CCDC141: variants seen among roughly 807,000 people sequenced by gnomAD.
CCDC141 encodes coiled-coil domain-containing protein 141.
In CCDC141, 168 loss-of-function variants were observed where a neutral mutation model predicts 181.0. The observed-to-expected ratio is 0.93, with a 90% CI of 0.82 to 1.05. CCDC141 has a LOEUF of 1.05. CCDC141 is among the 50% of genes least tolerant of loss of function. The pLI is 0.00. For missense variants in CCDC141, 1,902 were observed against 1,788.5 expected (o/e 1.06, Z -1.14); for synonymous variants, 666 against 642.3 (o/e 1.04, Z -0.56).
chr2:178,939,735 G>T (rs1015199154), intron 6 of CCDC141, among the ~76,000 whole-genome samples: 1 of 151,880 alleles, frequency 6.6e-6, no homozygotes, highest in South Asian at 2.1e-4. Context: ...TCGTCCAAGG[G>T]GTATACTCTT....
chr2:178,834,248 G>A lies in CCDC141; in HGVS notation c.4518C>T (p.Ile1506=). The change falls in exon 24 of 24, where the codon ATC becomes ATT. Residue 1506 remains isoleucine (I), a synonymous_variant. Coordinates refer to ENST00000443758, the MANE Select transcript of CCDC141 (RefSeq NM_173648.4). ...LHVTGNCRLP[I]TRVNWITLCV... The stretch of plus-strand genomic sequence containing the variant: ...ACAGGGTTATCCAGTTTACTCTTGT[G>A]ATTGGCAGCCTGCAGTTACCTGTCA... 2 of 1,536,242 alleles carry A rather than the reference G, an allele frequency of 1.3e-6. No individual in the cohort carries two copies. Among genetic ancestry groups the A allele is most frequent in the South Asian group, 1.2e-5 (1 of 84,060 alleles).
intron 2 of CCDC141, among the ~76,000 whole-genome samples, chr2:179,027,646 C>A (rs1367975543): frequency 1.9e-5 from 1 of 53,274 alleles, no homozygotes; most frequent in African/African-American, 6.9e-5. Flanking sequence ...CTCTTACTCT[C>A]AAAAAAAAAA....
chr2:178,864,149 C>T (rs760835994), intron 17 of CCDC141, among the ~76,000 whole-genome samples: 54 of 151,964 alleles, frequency 3.6e-4, no homozygotes, highest in Non-Finnish European at 6.5e-4. Flanking sequence ...GCCCAACCAT[C>T]ACTGCAAAGA....
intron 3 of CCDC141, among the ~76,000 whole-genome samples, chr2:178,977,435 T>C (rs1402282702): frequency 6.6e-6 from 1 of 152,196 alleles, no homozygotes; most frequent in Non-Finnish European, 1.5e-5. Context: ...TCTGTAGGTG[T>C]ATTTCAGCTG....
At chr2:178,858,053 C>A (rs960725539) in intron 17 of CCDC141, among the ~76,000 whole-genome samples, 6 of 152,088 alleles carry the variant, frequency 3.9e-5, no homozygotes, top group Non-Finnish European at 7.4e-5. Flanking sequence ...TATACTTAAT[C>A]AGTGTTGTTT....
At chr2:178,875,783 T>C (rs1686332924) in intron 12 of CCDC141, 1 of 152,122 alleles carries the variant, frequency 6.6e-6, no homozygotes, top group South Asian at 2.1e-4. Context: ...ATGAAGTTAG[T>C]AATAAAAAGG....
chr2:178,856,127 A>G (rs1272003245), intron 18 of CCDC141, 130 bp downstream of exon 18: 16 of 701,796 alleles, frequency 2.3e-5, no homozygotes, highest in Non-Finnish European at 3.6e-5. Flanking sequence ...ATAGAAAAAT[A>G]CCCTTTGAGT....
intron 2 of CCDC141, 28 bp downstream of exon 2, chr2:179,047,256 G>T: frequency 6.7e-7 from 1 of 1,497,802 alleles, no homozygotes; most frequent in Non-Finnish European, 8.9e-7. Context: ...CTTTAATTTT[G>T]TTTCTGCTTC....
In CCDC141 at chr2:179,047,338, T is replaced by C; in HGVS notation, c.171A>G (p.Gln57=). 1 of 1,543,854 alleles carries C rather than the reference T, an allele frequency of 6.5e-7. No homozygotes were observed. Among genetic ancestry groups the C allele is most frequent in the Non-Finnish European group, 8.7e-7 (1 of 1,145,060 alleles). The part of the protein sequence containing the change: ...QPNLLEIGSS[Q]DETKKLLHDH... The stretch of plus-strand genomic sequence containing the variant: ...CATGAAGAAGTTTTTTGGTTTCATC[T>C]TGACTGCTGCCAATTTCTAGAAGAT... The change falls in exon 2 of 24, where the codon CAA becomes CAG. Residue 57 remains glutamine, a synonymous_variant. Transcript: ENST00000443758.
chr2:178,975,211 A>G (rs951574010), intron 3 of CCDC141, 46 bp from the exon 4 acceptor site: 8 of 1,030,294 alleles, frequency 7.8e-6, no homozygotes, highest in Admixed American at 2.6e-5. Context: ...TTGTATAAAA[A>G]TTAACGTGCC....
chr2:178,968,876 G>C (rs1224037515), intron 4 of CCDC141, among the ~76,000 whole-genome samples: 1 of 151,368 alleles, frequency 6.6e-6, no homozygotes, highest in East Asian at 1.9e-4. Flanking sequence ...AATGAAATAG[G>C]CACAATAAAA....
chr2:178,903,462 T>C (rs957672572), intron 8 of CCDC141, among the ~76,000 whole-genome samples: 2 of 152,058 alleles, frequency 1.3e-5, no homozygotes, highest in Admixed American at 6.5e-5. Context: ...TGTAGGGACA[T>C]GGATGAAATT....
chr2:179,044,296 G>A (rs1206444340), intron 2 of CCDC141, among the ~76,000 whole-genome samples: 1 of 152,140 alleles, frequency 6.6e-6, no homozygotes, highest in East Asian at 1.9e-4. Flanking sequence ...CACAGTATTA[G>A]AAAAAACTAT....
chr2:178,817,639 C>G, the CCDC141 span: 551 of 465,222 alleles, frequency 1.2e-3, 4 homozygotes, highest in African/African-American at 7.5e-3. Context: ...TGGAGGTTGA[C>G]AGGTCTAACA....
chr2:179,032,114 T>C (rs984618227), intron 2 of CCDC141, among the ~76,000 whole-genome samples: 1 of 152,134 alleles, frequency 6.6e-6, no homozygotes, highest in Non-Finnish European at 1.5e-5. Context: ...ATTTGTACCC[T>C]GGAAACCCCC....
chr2:179,027,850 A>G (rs1162925822), intron 2 of CCDC141, among the ~76,000 whole-genome samples: 1 of 152,062 alleles, frequency 6.6e-6, no homozygotes, highest in Non-Finnish European at 1.5e-5. Context: ...CTTTATCAAC[A>G]GCGTGAAAAC....
At position 178,903,504 on chromosome 2, in the gene CCDC141, G is replaced by A. The variant is rs1461511073; in HGVS notation, c.1265+1825C>T. Among the ~76,000 whole-genome samples, 4 of 149,406 alleles carry A rather than the reference G, an allele frequency of 2.7e-5. No homozygotes were observed. In the South Asian group the frequency reaches 8.5e-4, roughly 32 times the overall value. ...CATCATTCTCAGTAAACTATCGCAA[G>A]AACAAAAAACCAAACACCGCATATT... On this transcript the variant is annotated intron_variant, in intron 8 of 23. Coordinates refer to ENST00000443758, the MANE Select transcript of CCDC141 (RefSeq NM_173648.4).
At chr2:178,909,147 G>C (rs1176849041) in intron 7 of CCDC141, among the ~76,000 whole-genome samples, 5 of 152,110 alleles carry the variant, frequency 3.3e-5, no homozygotes, top group Non-Finnish European at 7.4e-5. Flanking sequence ...ACCCTCTTCT[G>C]AATGTTATAA....
chr2:178,919,607 T>G (rs552286846), intron 6 of CCDC141, among the ~76,000 whole-genome samples: 1 of 152,218 alleles, frequency 6.6e-6, no homozygotes, highest in Non-Finnish European at 1.5e-5. Context: ...TTTTGTCCGA[T>G]GTGTATTCAT....
Sources: gnomAD v4.1 joint callset for allele counts (sites outside exome capture counted in the v4.1 genomes callset) on GRCh38, gnomAD v4.1.1 for gene constraint, MANE v1.5 for transcripts, NCBI Gene and HGNC (gene_info 2026-07-23, HGNC 2026-07-21) for gene names.